Variants in LRRC37A2 observed in about 807,000 individuals in gnomAD.
LRRC37A2 encodes the protein leucine rich repeat containing 37 member A2.
Under a neutral mutation model 68.8 loss-of-function variants are expected in LRRC37A2, and 9 were observed. The ratio of observed to expected loss-of-function variants is 0.13; its 90% CI spans 0.08 to 0.23. LRRC37A2 has a LOEUF of 0.23. Among genes scored for constraint, LRRC37A2 ranks in the 10% least tolerant of loss-of-function variants. LRRC37A2 has a pLI of 1.00. For synonymous variants in LRRC37A2, 63 were observed against 367.6 expected (o/e 0.17, Z 9.48); for missense variants, 168 against 950.4 (o/e 0.18, Z 10.82).
chr17:46,823,781 T>G, the LRRC37A2 span, among the ~76,000 whole-genome samples: 2 of 152,030 alleles, frequency 1.3e-5, no homozygotes, highest in African/African-American at 4.8e-5. Flanking sequence ...TGAAAGTCCT[T>G]TAGAAGGGAG....
chr17:46,500,906 A>C, the LRRC37A2 span, among the ~76,000 whole-genome samples: 2 of 151,090 alleles, frequency 1.3e-5, no homozygotes, highest in Non-Finnish European at 2.9e-5. Flanking sequence ...TGGGCCGGGC[A>C]CTGTGGCTCA....
the LRRC37A2 span, among the ~76,000 whole-genome samples, chr17:46,965,633 T>TTGTTCTC: frequency 6.6e-6 from 1 of 152,152 alleles, no homozygotes; most frequent in Non-Finnish European, 1.5e-5. Flanking sequence ...TTCTCTTTCT[T>TTGTTCTC]TTTTTTCTGA....
At chr17:46,667,389 G>A in the LRRC37A2 span, among the ~76,000 whole-genome samples, 4 of 146,658 alleles carry the variant, frequency 2.7e-5, no homozygotes, top group Admixed American at 2.8e-4. Context: ...CTGAGATTGT[G>A]TCTACCTTTC....
the LRRC37A2 span, among the ~76,000 whole-genome samples, chr17:46,717,500 C>T: frequency 6.6e-5 from 10 of 152,240 alleles, no homozygotes; most frequent in South Asian, 8.3e-4. Context: ...ATCATGAGGT[C>T]AGGAGTTCGA....
the LRRC37A2 span, among the ~76,000 whole-genome samples, chr17:46,900,425 T>G: frequency 6.6e-6 from 1 of 151,856 alleles, no homozygotes; most frequent in Non-Finnish European, 1.5e-5. Flanking sequence ...TAATTTTGTA[T>G]TTTTAGTAGA....
At chr17:46,953,724 C>T in the LRRC37A2 span, among the ~76,000 whole-genome samples, 2 of 152,136 alleles carry the variant, frequency 1.3e-5, no homozygotes, top group South Asian at 2.1e-4. Flanking sequence ...TTTTAATGAT[C>T]GCCATTCTAA....
chr17:46,703,783 G>A, the LRRC37A2 span, among the ~76,000 whole-genome samples: 1 of 138,358 alleles, frequency 7.2e-6, no homozygotes, highest in African/African-American at 2.7e-5. Flanking sequence ...CATTCTTAAT[G>A]TTGTGCAACC....
chr17:46,794,086 A>G, the LRRC37A2 span, among the ~76,000 whole-genome samples: 1 of 152,130 alleles, frequency 6.6e-6, no homozygotes, highest in Non-Finnish European at 1.5e-5. Context: ...GGAGGTTAGC[A>G]AGGGGACAGC....
At chr17:46,575,806 C>G in the LRRC37A2 span, among the ~76,000 whole-genome samples, 1 of 7,604 alleles carries the variant, frequency 1.3e-4, no homozygotes, top group East Asian at 8.6e-4. Context: ...ATGGCAAAAC[C>G]CCGTCTCTAC....
chr17:46,848,277 G>A, the LRRC37A2 span, among the ~76,000 whole-genome samples: 29,870 of 152,058 alleles, frequency 0.2, 3,603 homozygotes, highest in East Asian at 0.5. Flanking sequence ...GAGTGCTTCC[G>A]TCACCACACA....
the LRRC37A2 span, among the ~76,000 whole-genome samples, chr17:46,759,611 C>G: frequency 5.3e-5 from 8 of 152,336 alleles, no homozygotes; most frequent in Non-Finnish European, 1.0e-4. Flanking sequence ...ACTGACTTCA[C>G]TCGAGTGTGC....
At chr17:46,934,050 GC>G in the LRRC37A2 span, among the ~76,000 whole-genome samples, 1 of 152,180 alleles carries the variant, frequency 6.6e-6, no homozygotes, top group African/African-American at 2.4e-5. Flanking sequence ...CTTGGCTCCT[GC>G]CTATAGTCCA....
the LRRC37A2 span, among the ~76,000 whole-genome samples, chr17:46,753,832 G>A: frequency 6.6e-6 from 1 of 152,190 alleles, no homozygotes; most frequent in Non-Finnish European, 1.5e-5. Context: ...GTGCAGCTGA[G>A]TGAATTCTCT....
the LRRC37A2 span, among the ~76,000 whole-genome samples, chr17:46,721,096 C>T: frequency 2.6e-5 from 4 of 152,286 alleles, no homozygotes; most frequent in Non-Finnish European, 5.9e-5. Context: ...CTAATCCCTG[C>T]GTGGCAGAGC....
At chr17:46,823,233 A>C in the LRRC37A2 span, among the ~76,000 whole-genome samples, 56 of 138,480 alleles carry the variant, frequency 4.0e-4, no homozygotes, top group African/African-American at 1.5e-3. Context: ...ATATATAGAA[A>C]GGTGGAATTT....
At chr17:46,808,694 T>A in the LRRC37A2 span, among the ~76,000 whole-genome samples, 3 of 152,144 alleles carry the variant, frequency 2.0e-5, no homozygotes, top group Non-Finnish European at 4.4e-5. Flanking sequence ...CTTCTGCCAA[T>A]TGCAATCTTA....
chr17:46,490,349 CTT>C, the LRRC37A2 span, among the ~76,000 whole-genome samples: 1 of 151,156 alleles, frequency 6.6e-6, no homozygotes, highest in Non-Finnish European at 1.5e-5. Flanking sequence ...TCTTGACATT[CTT>C]TAGTCTGTGA....
the LRRC37A2 span, chr17:46,872,607 C>T: frequency 4.7e-4 from 753 of 1,612,696 alleles, 6 homozygotes; most frequent in Admixed American, 0.011. Context: ...AGCAGTGTGA[C>T]CTGCTGAAGC....
chr17:46,852,765 C>T, the LRRC37A2 span, among the ~76,000 whole-genome samples: 1 of 152,228 alleles, frequency 6.6e-6, no homozygotes, highest in East Asian at 1.9e-4. Flanking sequence ...TGAGTATATA[C>T]AGCAAAGGCA....
Sources: allele counts gnomAD v4.1 joint callset (sites outside exome capture counted in the v4.1 genomes callset), GRCh38; gene constraint gnomAD v4.1.1; transcripts MANE v1.5; gene names NCBI Gene and HGNC (gene_info 2026-07-23, HGNC 2026-07-21).